HERC5: variants seen among roughly 807,000 people sequenced by gnomAD.
HERC5 encodes HECT and RLD domain containing E3 ubiquitin protein ligase 5.
HERC5 carries 99 observed loss-of-function variants against 119.6 expected under a neutral mutation model. The observed-to-expected ratio is 0.83, with a 90% confidence interval of 0.70 to 0.98. The LOEUF (loss-of-function observed/expected upper bound fraction) is 0.98, where lower values mean the gene tolerates loss of function less well. Ranked by LOEUF, HERC5 falls within the 50% of genes least tolerant of loss-of-function variation. HERC5 has a pLI of 0.00. For missense variants in HERC5, 1,267 were observed against 1,241.3 expected, an observed-to-expected ratio of 1.02 and a Z score of -0.31; for synonymous variants, 478 against 445.9, an observed-to-expected ratio of 1.07 and a Z score of -0.91.
chr4:88,505,273 C>T (rs766161276), intron 22 of HERC5, among the ~76,000 whole-genome samples: 2 of 152,144 alleles, frequency 1.3e-5, no homozygotes, highest in Non-Finnish European at 2.9e-5. Context: ...CCTTTCTAAA[C>T]CTTTCCATCC....
chr4:88,466,269 A>G (rs1210281551), intron 6 of HERC5, among the ~76,000 whole-genome samples: 1 of 151,982 alleles, frequency 6.6e-6, no homozygotes, highest in African/African-American at 2.4e-5. Flanking sequence ...TGTTGTAGAG[A>G]TAGGGTCTCC....
At position 88,457,491 on chromosome 4, in the gene HERC5, G is replaced by C. The variant is rs1740197153; in HGVS notation, c.222G>C (p.Gln74His). 7.6e-7 allele frequency: 1 copy of C among 1,319,842 alleles called. No individual in the cohort carries two copies. Among genetic ancestry groups the C allele is most frequent in the East Asian group, 2.9e-5 (1 of 34,342 alleles). The allele number at this position is 1,319,842 out of a possible 1,614,324, so 81.8% of individuals were successfully genotyped here. A position where few individuals can be genotyped will look rare whatever the true frequency, so the allele number is the denominator to read the frequency against. Reference sequence around the variant, plus strand: ...TGGAACGCGGCGGGGCGGGCGTCCAGGTTCACCAGCTGCTCGCCGGGAGCG... The same window carrying C: ...TGGAACGCGGCGGGGCGGGCGTCCACGTTCACCAGCTGCTCGCCGGGAGCG... ...AVLERGGAGVQVHQLLAGSGG... is the reference protein window; with the variant it reads ...AVLERGGAGVHVHQLLAGSGG... The change falls in exon 1 of 23, where the codon CAG (glutamine) becomes CAC (histidine). Residue 74 changes from glutamine to histidine, a missense_variant. Around this residue, in one of 3 missense-constraint regions of HERC5, gnomAD observed 777 missense variants for 758.0 expected, o/e 1.03. Transcript: ENST00000264350.
chr4:88,473,320 C>G (rs1740942328), intron 11 of HERC5: 2 of 151,986 alleles, frequency 1.3e-5, no homozygotes, highest in South Asian at 4.2e-4. Context: ...CTCCTTCCTC[C>G]CTCTAGCCTC....
Position 88,463,536 on chromosome 4 carries a change from AGAT to A in HERC5, c.697_699del (p.Asp233del). 1 of 1,611,868 alleles carries A rather than the reference AGAT, an allele frequency of 6.2e-7. No individual in the cohort carries two copies. Among genetic ancestry groups the A allele is most frequent in the East Asian group, 2.2e-5 (1 of 44,866 alleles). On this transcript the variant is annotated inframe_deletion, in exon 5 of 23. Transcript: ENST00000264350. ...GCTATTTTTTTCCTTACATAGGTAA[AGAT>A]GATCCATCCCTTATTGAAGGACTAG...
chr4:88,481,122 G>A (rs527773859), intron 13 of HERC5, among the ~76,000 whole-genome samples: 67 of 152,124 alleles, frequency 4.4e-4, no homozygotes, highest in African/African-American at 1.5e-3. Context: ...GCGCAGTCTC[G>A]GCTCACTGCA....
rs993894393 is a variant in HERC5 at position 88,487,192 on chromosome 4, A to G, written c.1962+13A>G. ...TTTAAAAATAGAGGTATGTATGCCT[A>G]TTTGTCTTCATTAGCATAAATCACA... On this transcript the variant is annotated intron_variant, in intron 15 of 22. Coordinates refer to ENST00000264350, the MANE Select transcript of HERC5 (RefSeq NM_016323.4). The G allele has an allele frequency of 3.0e-6, 4 of 1,351,920 alleles. No individual in the cohort carries two copies. The highest frequency in any genetic ancestry group is 1.4e-5 in the African/African-American group (1 of 69,510). The allele number at this position is 1,351,920 out of a possible 1,614,324, so 83.7% of individuals were successfully genotyped here.
At chr4:88,461,269 C>A (rs962870679) in intron 3 of HERC5, among the ~76,000 whole-genome samples, 1 of 152,012 alleles carries the variant, frequency 6.6e-6, no homozygotes. Flanking sequence ...CTACTGTGTT[C>A]GGATTATGAA....
intron 18 of HERC5, among the ~76,000 whole-genome samples, chr4:88,499,627 A>C (rs1741892676): frequency 6.6e-6 from 1 of 152,254 alleles, no homozygotes; most frequent in Non-Finnish European, 1.5e-5. Flanking sequence ...CTATCAGTGA[A>C]CGTTAGAATC....
chr4:88,488,639 A>G (rs748612871), intron 15 of HERC5, among the ~76,000 whole-genome samples: 1 of 151,416 alleles, frequency 6.6e-6, no homozygotes, highest in Non-Finnish European at 1.5e-5. Flanking sequence ...TCTCTCTTCA[A>G]TTAACTTCTT....
At chr4:88,474,118 T>C (rs1740967815) in intron 11 of HERC5, among the ~76,000 whole-genome samples, 1 of 152,216 alleles carries the variant, frequency 6.6e-6, no homozygotes, top group African/African-American at 2.4e-5. Context: ...CCCTGTGCTT[T>C]AGAAGCTCAT....
intron 6 of HERC5, 95 bp downstream of exon 6, chr4:88,464,080 C>G (rs1163322146): frequency 2.1e-6 from 2 of 964,798 alleles, no homozygotes; most frequent in East Asian, 3.0e-5. Flanking sequence ...TGAGATGTAT[C>G]AAACATTTTC....
Position 88,489,287 on chromosome 4 carries a change from T to TGA in HERC5, c.2085_2086dup (p.Asn696ArgfsTer4). ...AGGAATCACTTGATTGAGGATGTTT[T>TGA]GAATCAGCTAAGTCAATTTGAGAAT... On this transcript the variant is annotated frameshift_variant, in exon 16 of 23. Coordinates refer to ENST00000264350, the MANE Select transcript of HERC5 (RefSeq NM_016323.4). LOFTEE classifies it high-confidence loss of function. 6.2e-7 allele frequency: 1 copy of TGA among 1,614,008 alleles called. No homozygotes were observed. Among genetic ancestry groups the TGA allele is most frequent in the Non-Finnish European group, 8.5e-7 (1 of 1,179,936 alleles).
intron 13 of HERC5, among the ~76,000 whole-genome samples, 169 bp from the exon 14 acceptor site, chr4:88,485,946 T>G (rs1319155460): frequency 6.6e-6 from 1 of 152,210 alleles, no homozygotes; most frequent in Non-Finnish European, 1.5e-5. Context: ...AGATATTCTT[T>G]ATGTTCATGA....
intron 21 of HERC5, 22 bp downstream of exon 21, chr4:88,504,437 G>A (rs1281148302): frequency 2.6e-6 from 4 of 1,567,054 alleles, no homozygotes; most frequent in Admixed American, 3.8e-5. Flanking sequence ...AGTCTAAGTT[G>A]ATTAAATTCA....
At chr4:88,490,004 G>T (rs1396001299) in intron 16 of HERC5, among the ~76,000 whole-genome samples, 1 of 151,954 alleles carries the variant, frequency 6.6e-6, no homozygotes, top group Non-Finnish European at 1.5e-5. Flanking sequence ...GCGAGACTCT[G>T]TCTCAAAAAA....
chr4:88,457,414 A>G lies in HERC5; in HGVS notation c.145A>G (p.Arg49Gly), dbSNP rs760416118. The change falls in exon 1 of 23, where the codon AGG becomes GGG. Residue 49 changes from arginine to glycine, a missense_variant. Arg to Gly is a moderately radical substitution (Grantham distance 125). This residue lies in a region of HERC5 where 777 missense variants were observed against 758.0 expected (regional missense o/e 1.03). Transcript: ENST00000264350. The stretch of plus-strand genomic sequence containing the variant: ...GGGCCTCCACCGCGCGCTGCTCCGG[A>G]GGGTGGAGGTGACGCGCCAACTCTG... ...AAGLHRALLR[R>G]VEVTRQLCCS... 5 of 1,378,048 alleles carry G rather than the reference A, an allele frequency of 3.6e-6. No homozygotes were observed. The highest frequency in any genetic ancestry group is 4.7e-6 in the Non-Finnish European group (5 of 1,068,726). 85.4% of individuals were successfully genotyped at this position (1,378,048 alleles called of 1,614,324 possible).
At chr4:88,497,144 G>T (rs373878600) in intron 18 of HERC5, among the ~76,000 whole-genome samples, 1 of 152,168 alleles carries the variant, frequency 6.6e-6, no homozygotes, top group Non-Finnish European at 1.5e-5. Flanking sequence ...TTATGGCAGC[G>T]TAAATGGACT....
At chr4:88,471,395 A>G (rs1170613846) in intron 10 of HERC5, among the ~76,000 whole-genome samples, 5 of 151,174 alleles carry the variant, frequency 3.3e-5, no homozygotes, top group Non-Finnish European at 1.5e-5. Flanking sequence ...CTGGAGTTAC[A>G]GCATCTTGGT....
Position 88,499,812 on chromosome 4 carries a change from A to G in HERC5, c.2445-114A>G, listed in dbSNP as rs1207561571. The G allele has an allele frequency of 3.9e-5, 27 of 694,360 alleles. No homozygotes were observed. In the East Asian group the frequency reaches 6.6e-4, roughly 17 times the overall value. The allele number at this position is 694,360 out of a possible 1,614,324, so 43.0% of individuals were successfully genotyped here. A position where few individuals can be genotyped will look rare whatever the true frequency, so the allele number is the denominator to read the frequency against. ...GTACGCAGAGAAAGAGGTGCTGTGA[A>G]CTATACCTGACCTCATACCTTCAGA... On this transcript the variant is annotated intron_variant, in intron 18 of 22. Coordinates refer to ENST00000264350, the MANE Select transcript of HERC5 (RefSeq NM_016323.4).
Sources: allele counts gnomAD v4.1 joint callset (sites outside exome capture counted in the v4.1 genomes callset), GRCh38; gene constraint gnomAD v4.1.1; regional missense constraint gnomAD v4.1.1; transcripts MANE v1.5; gene names NCBI Gene and HGNC (gene_info 2026-07-23, HGNC 2026-07-21).